Variants in INVS observed in about 807,000 individuals in gnomAD.
The protein encoded by INVS is inversion of embryo turning homolog.
In INVS, 86 loss-of-function variants were observed where a neutral mutation model predicts 108.8. The observed-to-expected ratio is 0.79, with a 90% CI of 0.66 to 0.95. The LOEUF (loss-of-function observed/expected upper bound fraction) is 0.95, where lower values mean the gene tolerates loss of function less well. Among genes scored for constraint, INVS ranks in the 40% least tolerant of loss-of-function variants. INVS has a pLI of 0.00. For missense variants in INVS, 1,169 were observed against 1,297.4 expected (o/e 0.90, Z 1.52); for synonymous variants, 455 against 473.5 (o/e 0.96, Z 0.51).
chr9:100,288,137 G>C (rs1397304532), intron 13 of INVS, among the ~76,000 whole-genome samples: 1 of 152,148 alleles, frequency 6.6e-6, no homozygotes, highest in South Asian at 2.1e-4. Context: ...CCTACTCTGA[G>C]GTAAATATTC....
chr9:100,237,410 A>T (rs2118478117), intron 5 of INVS, among the ~76,000 whole-genome samples: 1 of 152,226 alleles, frequency 6.6e-6, no homozygotes, highest in South Asian at 2.1e-4. Context: ...GGGTACAAAA[A>T]AGAACTCCTG....
Position 100,225,454 on chromosome 9 carries a change from A to G in INVS, c.274-608A>G, listed in dbSNP as rs1831287361. 2.0e-5 allele frequency among the ~76,000 whole-genome samples: 3 copies of G among 152,184 alleles called. No individual in the cohort carries two copies. In the South Asian group the frequency reaches 6.2e-4, roughly 32 times the overall value. On this transcript the variant is annotated intron_variant, in intron 3 of 16. Coordinates refer to ENST00000262457, the MANE Select transcript of INVS (RefSeq NM_014425.5). ...ACCTTATTAACCAGAGGTCCTGAAC[A>G]AAACGTTTAACTACTTTGAATCTCA...
intron 7 of INVS, among the ~76,000 whole-genome samples, chr9:100,244,895 G>A (rs1831996496): frequency 6.6e-6 from 1 of 152,198 alleles, no homozygotes; most frequent in African/African-American, 2.4e-5. Flanking sequence ...GTAGAAAGCA[G>A]TGTGTGATGC....
intron 10 of INVS, among the ~76,000 whole-genome samples, chr9:100,259,527 G>C (rs1199255386): frequency 6.7e-6 from 1 of 149,102 alleles, no homozygotes; most frequent in Non-Finnish European, 1.5e-5. Flanking sequence ...GACTGGAGCT[G>C]TTCCTGTTTG....
chr9:100,275,932 T>C (rs1833099953), intron 12 of INVS, among the ~76,000 whole-genome samples: 1 of 152,144 alleles, frequency 6.6e-6, no homozygotes, highest in Non-Finnish European at 1.5e-5. Context: ...CACGGTTGAG[T>C]GTACACTAAA....
intron 10 of INVS, among the ~76,000 whole-genome samples, chr9:100,253,500 G>T (rs1008698539): frequency 6.6e-6 from 1 of 151,522 alleles, no homozygotes. Flanking sequence ...GTGCCATGTT[G>T]GTGTGCTGCA....
At chr9:100,184,616 C>G (rs1007660327) in intron 3 of INVS, among the ~76,000 whole-genome samples, 2 of 152,090 alleles carry the variant, frequency 1.3e-5, no homozygotes, top group African/African-American at 4.8e-5. Context: ...CTTCCTGTTA[C>G]TACAGTTCTT....
chr9:100,281,559 C>G (rs1450367361), intron 12 of INVS, among the ~76,000 whole-genome samples: 1 of 152,192 alleles, frequency 6.6e-6, no homozygotes, highest in East Asian at 1.9e-4. Context: ...AACCACTGGT[C>G]TGAAGAACTT....
chr9:100,199,438 A>G (rs1375028022), intron 3 of INVS, among the ~76,000 whole-genome samples: 1 of 151,882 alleles, frequency 6.6e-6, no homozygotes, highest in African/African-American at 2.4e-5. Context: ...GCCATCTGTT[A>G]TTGCTCCTTT....
chr9:100,172,479 T>C (rs1419120628), intron 3 of INVS, among the ~76,000 whole-genome samples: 1 of 152,222 alleles, frequency 6.6e-6, no homozygotes, highest in Admixed American at 6.5e-5. Flanking sequence ...AAAATACTAC[T>C]ACTTCTCTAA....
chr9:100,161,613 AGATG>A (rs553912870), intron 3 of INVS, among the ~76,000 whole-genome samples: 12 of 151,626 alleles, frequency 7.9e-5, no homozygotes, highest in East Asian at 3.9e-4. Flanking sequence ...GTGGCTGGCC[AGATG>A]GATGGATGGA....
intron 3 of INVS, among the ~76,000 whole-genome samples, chr9:100,164,526 G>T (rs533596915): frequency 1.3e-5 from 2 of 152,076 alleles, no homozygotes; most frequent in East Asian, 3.9e-4. Flanking sequence ...TAATTACCAG[G>T]TCATGCTAAT....
intron 3 of INVS, among the ~76,000 whole-genome samples, chr9:100,158,963 C>G (rs1021124588): frequency 6.6e-6 from 1 of 152,130 alleles, no homozygotes; most frequent in African/African-American, 2.4e-5. Context: ...TGCTGTCTAC[C>G]ATGTGACATA....
intron 14 of INVS, among the ~76,000 whole-genome samples, chr9:100,294,065 G>A (rs1177122806): frequency 6.6e-6 from 1 of 152,204 alleles, no homozygotes; most frequent in Non-Finnish European, 1.5e-5. Flanking sequence ...CTATTTGTGA[G>A]GCTGAGGCAG....
intron 3 of INVS, among the ~76,000 whole-genome samples, chr9:100,149,044 T>G (rs1011074126): frequency 8.7e-5 from 11 of 126,782 alleles, no homozygotes; most frequent in Admixed American, 9.2e-5. Flanking sequence ...ACATGTTCAC[T>G]GTAGCAAAAA....
At chr9:100,119,473 C>T (rs967620124) in intron 2 of INVS, among the ~76,000 whole-genome samples, 3 of 152,352 alleles carry the variant, frequency 2.0e-5, no homozygotes, top group East Asian at 1.9e-4. Flanking sequence ...GGCTTTTGCT[C>T]GTGGTGTCAC....
rs951160212 is a variant in INVS, at chr9:100,301,467, G to A, written c.*793G>A. On this transcript the variant is annotated 3_prime_UTR_variant, in exon 17 of 17. Coordinates refer to ENST00000262457, the MANE Select transcript of INVS (RefSeq NM_014425.5). ...CATGCAGCAAGGTGCTAACTCAGGC[G>A]TCAACGTTCTACTTGTATTTTCTGA... 6.6e-6 allele frequency among the ~76,000 whole-genome samples: 1 copy of A among 152,162 alleles called. No homozygotes were observed. Among genetic ancestry groups the A allele is most frequent in the Non-Finnish European group, 1.5e-5 (1 of 68,044 alleles).
chr9:100,124,177 A>AGTGTGT (rs3052021), intron 2 of INVS, among the ~76,000 whole-genome samples: 3,962 of 144,176 alleles, frequency 0.027, 68 homozygotes, highest in Middle Eastern at 0.046. Context: ...TTTGTTTCTG[A>AGTGTGT]GTGTGTGTGT....
chr9:100,219,628 A>G lies in INVS; in HGVS notation c.274-6434A>G, dbSNP rs889881584. Among the ~76,000 whole-genome samples, 8 of 152,356 alleles carry G rather than the reference A, an allele frequency of 5.3e-5. 1 individual carries two copies. The East Asian group carries it at 1.5e-3, about 29-fold the overall frequency. ...TTTCAGAAATTCTTATGTACTTACC[A>G]GGAGATATGTATGAGAATATTCATT... On this transcript the variant is annotated intron_variant, in intron 3 of 16. Coordinates refer to ENST00000262457, the MANE Select transcript of INVS (RefSeq NM_014425.5).
Sources: gnomAD v4.1 joint callset for allele counts (sites outside exome capture counted in the v4.1 genomes callset) on GRCh38, gnomAD v4.1.1 for gene constraint, MANE v1.5 for transcripts, NCBI Gene and HGNC (gene_info 2026-07-23, HGNC 2026-07-21) for gene names.